The following DPYD variants were observed in gnomAD, a reference collection of about 807,000 sequenced individuals.
The protein encoded by DPYD is dihydropyrimidine dehydrogenase [NADP(+)].
DPYD carries 109 observed loss-of-function variants against 116.2 expected under a neutral mutation model. That is an observed-to-expected ratio of 0.94 (90% CI 0.80 to 1.10). The LOEUF (loss-of-function observed/expected upper bound fraction) is 1.10, where lower values mean the gene tolerates loss of function less well. DPYD is among the 50% of genes least tolerant of loss of function. The pLI is 0.00. For synonymous variants in DPYD, 440 were observed against 432.0 expected, an observed-to-expected ratio of 1.02 and a Z score of -0.23; for missense variants, 1,302 against 1,254.5, an observed-to-expected ratio of 1.04 and a Z score of -0.57.
intron 21 of DPYD, among the ~76,000 whole-genome samples, chr1:97,083,506 CA>C (rs1447942563): frequency 1.3e-5 from 2 of 151,982 alleles, no homozygotes; most frequent in Non-Finnish European, 2.9e-5. Flanking sequence ...CATTTTTATA[CA>C]GTTCCTTTGT....
chr1:97,292,798 A>G (rs931408865), intron 18 of DPYD, among the ~76,000 whole-genome samples: 3 of 152,016 alleles, frequency 2.0e-5, no homozygotes, highest in Non-Finnish European at 4.4e-5. Context: ...CTTGCTATTA[A>G]AACAAGGGTT....
Position 97,890,853 on chromosome 1 carries a change from G to T in DPYD, c.40-7479C>A, listed in dbSNP as rs529273461. 1.6e-3 allele frequency among the ~76,000 whole-genome samples: 236 copies of T among 152,020 alleles called. 2 individuals are homozygous for T. Among genetic ancestry groups the T allele is most frequent in the Middle Eastern group, 3.4e-3 (1 of 294 alleles). On this transcript the variant is annotated intron_variant, in intron 1 of 22. Coordinates refer to ENST00000370192, the MANE Select transcript of DPYD (RefSeq NM_000110.4). ...ATGTCAGCATAGCAATATAACTTTT[G>T]AGAATAAACATTCTGAATGTAATTT...
At chr1:97,640,068 ATC>A (rs1331813188) in intron 8 of DPYD, among the ~76,000 whole-genome samples, 1 of 152,180 alleles carries the variant, frequency 6.6e-6, no homozygotes, top group African/African-American at 2.4e-5. Flanking sequence ...CAGAAAATCT[ATC>A]TGTCTAGTCT....
intron 13 of DPYD, among the ~76,000 whole-genome samples, chr1:97,493,990 C>A (rs74667225): frequency 6.7e-4 from 102 of 152,142 alleles, no homozygotes; most frequent in African/African-American, 2.2e-3. Context: ...GAGAGGAATT[C>A]GAAATTATTA....
Position 97,772,551 on chromosome 1 carries a change from G to A in DPYD, c.234-32072C>T, listed in dbSNP as rs540831033. 1.2e-4 allele frequency among the ~76,000 whole-genome samples: 19 copies of A among 152,318 alleles called. No homozygotes were observed. The Middle Eastern group carries it at 0.017, about 136-fold the overall frequency. ...CACAGGTTGGAAGTAAGCATTTGAT[G>A]AGGAAACAGATGCATTGTTTGTGTG... On this transcript the variant is annotated intron_variant, in intron 3 of 22. Transcript: ENST00000370192.
intron 18 of DPYD, among the ~76,000 whole-genome samples, chr1:97,258,234 T>C (rs1663639424): frequency 6.6e-6 from 1 of 152,160 alleles, no homozygotes; most frequent in African/African-American, 2.4e-5. Flanking sequence ...CAGTTCCATG[T>C]CAGCTCTGAC....
chr1:97,142,462 A>T (rs1037614387), intron 20 of DPYD, among the ~76,000 whole-genome samples: 5 of 152,148 alleles, frequency 3.3e-5, no homozygotes, highest in Non-Finnish European at 7.4e-5. Context: ...ACCAAAGAAG[A>T]GAAATGAAAA....
chr1:97,656,966 A>AT (rs71590230), intron 8 of DPYD, among the ~76,000 whole-genome samples: 16,082 of 116,442 alleles, frequency 0.14, 1,400 homozygotes, highest in Non-Finnish European at 0.2. Flanking sequence ...GCATGATTGT[A>AT]TTTTTTTTTT....
chr1:97,582,548 T>G (rs984299693), intron 10 of DPYD, among the ~76,000 whole-genome samples: 3 of 152,156 alleles, frequency 2.0e-5, no homozygotes, highest in Admixed American at 1.3e-4. Context: ...TTATTTTATT[T>G]TGAGTGGTGA....
chr1:97,280,917 C>T lies in DPYD; in HGVS notation c.2299+24342G>A, dbSNP rs139108914. Among the ~76,000 whole-genome samples the T allele has an allele frequency of 4.2e-3, 646 of 152,116 alleles. 11 individuals are homozygous for T. Among genetic ancestry groups the T allele is most frequent in the African/African-American group, 0.015 (620 of 41,494 alleles). ...TATCTCCACAAAGAAATGATAAATG[C>T]TTAGAGTGATGGATATGGTAATTAC... On this transcript the variant is annotated intron_variant, in intron 18 of 22. Coordinates refer to ENST00000370192, the MANE Select transcript of DPYD (RefSeq NM_000110.4).
At chr1:97,750,111 A>C (rs1453972927) in intron 3 of DPYD, among the ~76,000 whole-genome samples, 1 of 152,256 alleles carries the variant, frequency 6.6e-6, no homozygotes, top group South Asian at 2.1e-4. Context: ...TAAAAAACTA[A>C]TATATATTTT....
At chr1:97,565,563 T>C (rs1326164986) in intron 11 of DPYD, among the ~76,000 whole-genome samples, 4 of 152,172 alleles carry the variant, frequency 2.6e-5, no homozygotes, top group Non-Finnish European at 5.9e-5. Context: ...TCTGGGCATA[T>C]GAGGTCATTT....
intron 3 of DPYD, among the ~76,000 whole-genome samples, chr1:97,778,836 A>G (rs1474306841): frequency 6.6e-6 from 1 of 152,124 alleles, no homozygotes; most frequent in Admixed American, 6.5e-5. Flanking sequence ...ATTTTCCTCA[A>G]AAAAAATCTA....
At chr1:97,246,265 C>T (rs550045340) in intron 18 of DPYD, among the ~76,000 whole-genome samples, 95 of 152,198 alleles carry the variant, frequency 6.2e-4, no homozygotes, top group African/African-American at 2.2e-3. Context: ...ATGGCTGTTG[C>T]TCAAAGGCAG....
At chr1:97,316,456 G>A (rs963957264) in intron 16 of DPYD, among the ~76,000 whole-genome samples, 1 of 151,258 alleles carries the variant, frequency 6.6e-6, no homozygotes, top group Non-Finnish European at 1.5e-5. Context: ...GGAGGCTGCA[G>A]TGAGCCGAGA....
intron 3 of DPYD, among the ~76,000 whole-genome samples, chr1:97,814,989 GA>G (rs1429935199): frequency 6.8e-6 from 1 of 147,216 alleles, no homozygotes; most frequent in African/African-American, 2.5e-5. Flanking sequence ...AGAGAGAAAG[GA>G]AAGGAAAAGG....
At chr1:97,804,238 C>A (rs111493051) in intron 3 of DPYD, among the ~76,000 whole-genome samples, 32 of 151,630 alleles carry the variant, frequency 2.1e-4, no homozygotes, top group African/African-American at 7.2e-4. Flanking sequence ...ATAAATAATG[C>A]CTGTTCTTTA....
At chr1:97,119,978 C>A (rs933387628) in intron 20 of DPYD, among the ~76,000 whole-genome samples, 3 of 152,060 alleles carry the variant, frequency 2.0e-5, no homozygotes, top group African/African-American at 7.2e-5. Flanking sequence ...AAAAGCTAAA[C>A]GAAGACCCGC....
At chr1:97,558,642 A>G (rs560323552) in intron 11 of DPYD, among the ~76,000 whole-genome samples, 3 of 152,286 alleles carry the variant, frequency 2.0e-5, no homozygotes, top group African/African-American at 7.2e-5. Context: ...CCCTCACCCT[A>G]TTCAGGATAA....
Sources: allele counts gnomAD v4.1 joint callset (sites outside exome capture counted in the v4.1 genomes callset), GRCh38; gene constraint gnomAD v4.1.1; transcripts MANE v1.5; gene names NCBI Gene and HGNC (gene_info 2026-07-23, HGNC 2026-07-21).